MAGI1: variants seen among roughly 807,000 people sequenced by gnomAD.
MAGI1 encodes membrane-associated guanylate kinase, WW and PDZ domain-containing protein 1.
Under a neutral mutation model 139.9 loss-of-function variants are expected in MAGI1, and 58 were observed. The ratio of observed to expected loss-of-function variants is 0.41; its 90% CI spans 0.34 to 0.52. MAGI1 has a LOEUF of 0.52. MAGI1 is among the 20% of genes least tolerant of loss of function. The pLI is 0.12. For missense variants in MAGI1, 1,874 were observed against 1,901.6 expected, an observed-to-expected ratio of 0.99 and a Z score of 0.27; for synonymous variants, 812 against 737.9, an observed-to-expected ratio of 1.10 and a Z score of -1.63.
chr3:65,549,352 C>A, intron 2 of MAGI1: 2 of 857,058 alleles, frequency 2.3e-6, no homozygotes, highest in Non-Finnish European at 2.8e-6. Context: ...CCTTCCTAAC[C>A]CCCTCCCCTC....
At chr3:65,591,425 A>G (rs1351614194) in intron 2 of MAGI1, among the ~76,000 whole-genome samples, 1 of 152,102 alleles carries the variant, frequency 6.6e-6, no homozygotes, top group Non-Finnish European at 1.5e-5. Flanking sequence ...GTACACCTCC[A>G]CTACCATTAC....
At chr3:65,587,420 T>C (rs61490781) in intron 2 of MAGI1, among the ~76,000 whole-genome samples, 78,916 of 151,418 alleles carry the variant, frequency 0.52, 21,062 homozygotes, top group East Asian at 0.81. Context: ...ACTCGAAGTA[T>C]GGTGTCTACT....
intron 18 of MAGI1, among the ~76,000 whole-genome samples, chr3:65,366,683 A>G (rs1245192339): frequency 6.6e-6 from 1 of 152,192 alleles, no homozygotes; most frequent in Admixed American, 6.5e-5. Flanking sequence ...TCGTGTGCAC[A>G]TTGGGAATAA....
At chr3:65,974,909 G>A (rs2065191430) in intron 1 of MAGI1, among the ~76,000 whole-genome samples, 1 of 152,162 alleles carries the variant, frequency 6.6e-6, no homozygotes, top group Non-Finnish European at 1.5e-5. Context: ...GTAAATACAA[G>A]AAGGCAGGGA....
At chr3:65,902,594 T>C (rs1196240416) in intron 1 of MAGI1, 1 of 152,766 alleles carries the variant, frequency 6.5e-6, no homozygotes, top group Non-Finnish European at 1.5e-5. Context: ...TGAGCTCTCT[T>C]ACCTGTACCA....
chr3:65,411,899 G>T (rs546334901), intron 12 of MAGI1, among the ~76,000 whole-genome samples: 2 of 152,024 alleles, frequency 1.3e-5, no homozygotes, highest in South Asian at 2.1e-4. Context: ...ATCCATCCAA[G>T]TTCATCTCCA....
At chr3:65,756,444 A>C (rs564722724) in intron 1 of MAGI1, among the ~76,000 whole-genome samples, 16 of 152,300 alleles carry the variant, frequency 1.1e-4, no homozygotes, top group African/African-American at 1.7e-4. Flanking sequence ...TAAAAACATG[A>C]GCAAAGGTCA....
chr3:65,387,576 A>G (rs1943555350), intron 14 of MAGI1, among the ~76,000 whole-genome samples: 1 of 152,206 alleles, frequency 6.6e-6, no homozygotes, highest in Non-Finnish European at 1.5e-5. Flanking sequence ...GAAAAATTTA[A>G]GTATATTTGT....
chr3:65,918,947 CAAACA>C (rs1560012579), intron 1 of MAGI1, among the ~76,000 whole-genome samples: 1 of 150,992 alleles, frequency 6.6e-6, no homozygotes, highest in Non-Finnish European at 1.5e-5. Flanking sequence ...AAAAAACAAA[CAAACA>C]AAACAAAATG....
chr3:65,989,728 G>A (rs899527228), intron 1 of MAGI1, among the ~76,000 whole-genome samples: 1 of 152,086 alleles, frequency 6.6e-6, no homozygotes, highest in Admixed American at 6.6e-5. Flanking sequence ...GGTAGAGACA[G>A]GGTTTTGCCA....
chr3:65,394,983 T>C (rs1400029241), intron 13 of MAGI1, among the ~76,000 whole-genome samples: 2 of 152,194 alleles, frequency 1.3e-5, no homozygotes, highest in African/African-American at 4.8e-5. Context: ...AGTATACTTT[T>C]AAGTCTGTTA....
chr3:65,366,824 T>C (rs1941460156), intron 18 of MAGI1, among the ~76,000 whole-genome samples: 1 of 152,242 alleles, frequency 6.6e-6, no homozygotes, highest in Admixed American at 6.5e-5. Flanking sequence ...GTCATCATAA[T>C]GTTAAAAGCA....
intron 2 of MAGI1, 110 bp downstream of exon 2, chr3:65,621,862 A>C: frequency 5.5e-6 from 4 of 724,706 alleles, no homozygotes; most frequent in Non-Finnish European, 7.0e-6. Flanking sequence ...TCAGTAGGCC[A>C]ACCACCAGGT....
intron 1 of MAGI1, among the ~76,000 whole-genome samples, chr3:66,013,310 G>A (rs1343779461): frequency 6.6e-6 from 1 of 151,576 alleles, no homozygotes; most frequent in African/African-American, 2.4e-5. Flanking sequence ...GGCTGAGGCA[G>A]GAGAATCACT....
intron 1 of MAGI1, among the ~76,000 whole-genome samples, chr3:65,920,733 T>C (rs888986649): frequency 1.3e-5 from 2 of 152,134 alleles, no homozygotes; most frequent in African/African-American, 4.8e-5. Context: ...ACATTTACAT[T>C]TGGTAAGAAC....
chr3:65,477,724 T>A (rs1029681337), intron 4 of MAGI1, among the ~76,000 whole-genome samples: 2 of 147,286 alleles, frequency 1.4e-5, no homozygotes, highest in African/African-American at 4.9e-5. Flanking sequence ...TTTTTTTTTT[T>A]ATTTATATTT....
chr3:65,477,671 A>G (rs1950969182), intron 4 of MAGI1, among the ~76,000 whole-genome samples: 1 of 150,780 alleles, frequency 6.6e-6, no homozygotes, highest in South Asian at 2.1e-4. Flanking sequence ...GGGTCACTGC[A>G]CTAACCCAAG....
chr3:65,974,521 A>G (rs891467), intron 1 of MAGI1, among the ~76,000 whole-genome samples: 114,016 of 152,000 alleles, frequency 0.75, 44,029 homozygotes, highest in Admixed American at 0.87. Flanking sequence ...ATTGGCTTCA[A>G]ACAATAAGCA....
chr3:65,936,914 GT>G (rs879752400), intron 1 of MAGI1, among the ~76,000 whole-genome samples: 1,662 of 150,044 alleles, frequency 0.011, 19 homozygotes, highest in Non-Finnish European at 0.018. Flanking sequence ...TGTTGTTGTT[GT>G]TGTTGGTGGT....
Sources: allele counts gnomAD v4.1 joint callset (sites outside exome capture counted in the v4.1 genomes callset), GRCh38; gene constraint gnomAD v4.1.1; transcripts MANE v1.5; gene names NCBI Gene and HGNC (gene_info 2026-07-23, HGNC 2026-07-21).